The following RCSD1 variants were observed in gnomAD, a reference collection of about 807,000 sequenced individuals.
RCSD1 encodes RCSD domain containing 1.
In RCSD1, 26 loss-of-function variants were observed where a neutral mutation model predicts 42.5. The ratio of observed to expected loss-of-function variants is 0.61; its 90% CI spans 0.45 to 0.85. The LOEUF (loss-of-function observed/expected upper bound fraction) is 0.85. Among genes scored for constraint, RCSD1 ranks in the 40% least tolerant of loss-of-function variants. The probability of loss-of-function intolerance (pLI) is 0.00; values close to 1 mark genes in which losing one functional copy is unlikely to be tolerated. For synonymous variants in RCSD1, 220 were observed against 212.2 expected (o/e 1.04, Z -0.32); for missense variants, 571 against 528.3 (o/e 1.08, Z -0.79).
At chr1:167,646,506 T>C (rs1658150834) in intron 1 of RCSD1, among the ~76,000 whole-genome samples, 1 of 8,702 alleles carries the variant, frequency 1.1e-4, no homozygotes, top group African/African-American at 1.2e-3. Flanking sequence ...CTTAGAGTTT[T>C]TTTTCTTTTT....
intron 1 of RCSD1, among the ~76,000 whole-genome samples, chr1:167,654,915 T>A (rs1207629070): frequency 6.6e-6 from 1 of 152,048 alleles, no homozygotes; most frequent in African/African-American, 2.4e-5. Context: ...GAATCCGACA[T>A]TACCTGATTG....
chr1:167,646,248 C>A (rs1019027933), intron 1 of RCSD1, among the ~76,000 whole-genome samples: 4 of 152,014 alleles, frequency 2.6e-5, no homozygotes, highest in Non-Finnish European at 4.4e-5. Context: ...GTTTGGAGGG[C>A]TTTGGGCCAA....
chr1:167,698,557 T>C lies in RCSD1; in HGVS notation c.1218+715T>C, dbSNP rs117075702. Among the ~76,000 whole-genome samples, 91 of 152,248 alleles carry C rather than the reference T, an allele frequency of 6.0e-4. No homozygotes were observed. The East Asian group carries it at 8.5e-3, about 14-fold the overall frequency. ...GGGCCTGCATTTACTGGCCCTTTCC[T>C]CTACACCTGTCTGCTCCCCACCAGC... On this transcript the variant is annotated intron_variant, in intron 6 of 6. Coordinates refer to ENST00000367854, the MANE Select transcript of RCSD1 (RefSeq NM_052862.4).
At chr1:167,634,468 T>G (rs539565097) in intron 1 of RCSD1, among the ~76,000 whole-genome samples, 1 of 152,276 alleles carries the variant, frequency 6.6e-6, no homozygotes, top group Non-Finnish European at 1.5e-5. Flanking sequence ...TACAAACCTG[T>G]TATGATACAA....
chr1:167,635,532 C>G (rs957189134), intron 1 of RCSD1, among the ~76,000 whole-genome samples: 1 of 152,170 alleles, frequency 6.6e-6, no homozygotes, highest in African/African-American at 2.4e-5. Context: ...CACAGCACTG[C>G]GAGCCAGAGC....
At chr1:167,637,661 T>A (rs1363459463) in intron 1 of RCSD1, among the ~76,000 whole-genome samples, 1 of 151,862 alleles carries the variant, frequency 6.6e-6, no homozygotes, top group Non-Finnish European at 1.5e-5. Context: ...ATGCCTTTGT[T>A]CAAGCTCACC....
At chr1:167,655,393 A>G (rs1658402021) in intron 1 of RCSD1, among the ~76,000 whole-genome samples, 1 of 152,086 alleles carries the variant, frequency 6.6e-6, no homozygotes, top group Non-Finnish European at 1.5e-5. Flanking sequence ...TTTTTTAGGG[A>G]TCAGGGAGAT....
chr1:167,685,391 C>T (rs747432700), intron 2 of RCSD1, 30 bp from the exon 3 acceptor site: 29 of 1,585,018 alleles, frequency 1.8e-5, no homozygotes, highest in Non-Finnish European at 2.3e-5. Context: ...CTCTTTTTCT[C>T]TGTGTGTCTG....
At chr1:167,682,484 T>C (rs1323014873) in intron 1 of RCSD1, among the ~76,000 whole-genome samples, 1 of 152,192 alleles carries the variant, frequency 6.6e-6, no homozygotes, top group African/African-American at 2.4e-5. Context: ...AGCCTTCTTC[T>C]CAAAACTTTG....
rs137974391 is a variant in RCSD1 at position 167,637,931 on chromosome 1, C to T, written c.6+7502C>T. Among the ~76,000 whole-genome samples the T allele has an allele frequency of 1.4e-4, 21 of 152,344 alleles. 1 individual carries two copies. The highest frequency in any genetic ancestry group is 5.1e-4 in the African/African-American group (21 of 41,578). The stretch of plus-strand genomic sequence containing the variant: ...TAGAGCAGCAGCCAACCACATGCAT[C>T]AGCCCAAACCCAGTAAGCAGTGCCG... On this transcript the variant is annotated intron_variant, in intron 1 of 6. Coordinates refer to ENST00000367854, the MANE Select transcript of RCSD1 (RefSeq NM_052862.4).
chr1:167,639,872 C>T (rs564057776), intron 1 of RCSD1, among the ~76,000 whole-genome samples: 6 of 152,328 alleles, frequency 3.9e-5, no homozygotes, highest in East Asian at 1.9e-4. Context: ...TGCAGCGCCA[C>T]GCCTTGTTCT....
chr1:167,698,063 C>A (rs1490960606), intron 6 of RCSD1, among the ~76,000 whole-genome samples: 6 of 152,202 alleles, frequency 3.9e-5, no homozygotes, highest in African/African-American at 1.4e-4. Flanking sequence ...CTCTTGCCAA[C>A]TTCTCGCTGA....
chr1:167,630,376 G>A lies in RCSD1; in HGVS notation c.-48G>A, dbSNP rs374383843. 55 of 1,489,166 alleles carry A rather than the reference G, an allele frequency of 3.7e-5. No individual in the cohort carries two copies. The highest frequency in any genetic ancestry group is 4.7e-5 in the Non-Finnish European group (52 of 1,112,692). The allele number at this position is 1,489,166 out of a possible 1,614,324, so 92.2% of individuals were successfully genotyped here. A position where few individuals can be genotyped will look rare whatever the true frequency, so the allele number is the denominator to read the frequency against. On this transcript the variant is annotated 5_prime_UTR_variant, in exon 1 of 7. Coordinates refer to ENST00000367854, the MANE Select transcript of RCSD1 (RefSeq NM_052862.4). The stretch of plus-strand genomic sequence containing the variant: ...GGGGACAGCGGGGATCGTGAGCTCC[G>A]GCCCGGGCGAGCGGGTGCGTCTGCC...
At chr1:167,642,523 A>G (rs1658032420) in intron 1 of RCSD1, among the ~76,000 whole-genome samples, 1 of 152,246 alleles carries the variant, frequency 6.6e-6, no homozygotes, top group Non-Finnish European at 1.5e-5. Context: ...GCAGATATGC[A>G]GGAAAATATA....
Position 167,697,345 on chromosome 1 carries a change from A to C in RCSD1, c.721A>C (p.Arg241=). Residue 241 remains arginine, a synonymous_variant, in exon 6 of 7, where the codon AGG becomes CGG. Coordinates refer to ENST00000367854, the MANE Select transcript of RCSD1 (RefSeq NM_052862.4). ...ACCTGCTGAAAAGCCTCCTCTGAGG[A>C]GGTCACCCAGCAGGACAGAGAAGCA... is the stretch of plus-strand genomic sequence containing the variant. The part of the protein sequence containing the change: ...LGPAEKPPLR[R]SPSRTEKQEE... 6.2e-7 allele frequency: 1 copy of C among 1,614,032 alleles called. No individual in the cohort carries two copies. The highest frequency in any genetic ancestry group is 1.3e-5 in the African/African-American group (1 of 75,026).
rs556574001 is a variant in RCSD1 at position 167,635,878 on chromosome 1, C to G, written c.6+5449C>G. On this transcript the variant is annotated intron_variant, in intron 1 of 6. Transcript: ENST00000367854. ...CAACAGCTTGCAATTTTTCTCTTAC[C>G]TGGGGAGTAGTTCAACCCAAGCCTT... Among the ~76,000 whole-genome samples the G allele has an allele frequency of 8.5e-5, 13 of 152,274 alleles. No homozygotes were observed. The East Asian group carries it at 2.1e-3, about 25-fold the overall frequency.
intron 1 of RCSD1, among the ~76,000 whole-genome samples, chr1:167,642,680 T>C (rs1207310965): frequency 6.6e-6 from 1 of 152,222 alleles, no homozygotes; most frequent in Non-Finnish European, 1.5e-5. Context: ...AACGTCTTTG[T>C]GGCTATGTGA....
chr1:167,684,765 T>C (rs1210750942), intron 2 of RCSD1, among the ~76,000 whole-genome samples: 1 of 152,112 alleles, frequency 6.6e-6, no homozygotes, highest in Non-Finnish European at 1.5e-5. Context: ...GCCCAGCTAC[T>C]CAGGAGGCTG....
At chr1:167,634,160 G>A (rs143134267) in intron 1 of RCSD1, among the ~76,000 whole-genome samples, 59 of 152,248 alleles carry the variant, frequency 3.9e-4, no homozygotes, top group Middle Eastern at 6.8e-3. Context: ...TCCACCTCTG[G>A]AAGGCTTCTG....
Sources: allele counts gnomAD v4.1 joint callset (sites outside exome capture counted in the v4.1 genomes callset), GRCh38; gene constraint gnomAD v4.1.1; transcripts MANE v1.5; gene names NCBI Gene and HGNC (gene_info 2026-07-23, HGNC 2026-07-21).